Variants in SLC4A3 observed in about 807,000 individuals in gnomAD.
SLC4A3 encodes solute carrier family 4 member 3.
SLC4A3 carries 47 observed loss-of-function variants against 114.2 expected under a neutral mutation model. That is an observed-to-expected ratio of 0.41 (90% CI 0.33 to 0.52). The LOEUF (loss-of-function observed/expected upper bound fraction) is 0.52. Ranked by LOEUF, SLC4A3 falls within the 20% of genes least tolerant of loss-of-function variation. The pLI is 0.21. For synonymous variants in SLC4A3, 693 were observed against 710.3 expected, an observed-to-expected ratio of 0.98 and a Z score of 0.39; for missense variants, 1,312 against 1,668.3, an observed-to-expected ratio of 0.79 and a Z score of 3.72.
Position 219,638,076 on chromosome 2 carries a change from C to T in SLC4A3, c.2767-88C>T. ...GGGCCTTCTGGCTCCAGCTTGGACC[C>T]AGGCAGGGCCAGAGATGGCAAGCCC... On this transcript the variant is annotated intron_variant, in intron 17 of 22. Transcript: ENST00000358055. The surrounding 1 kb of genome is among the most constrained non-coding windows in gnomAD (Gnocchi z 7.5). 8.8e-7 allele frequency: 1 copy of T among 1,130,266 alleles called. No individual in the cohort carries two copies. The highest frequency in any genetic ancestry group is 1.3e-6 in the Non-Finnish European group (1 of 766,396). 70.0% of individuals were successfully genotyped at this position (1,130,266 alleles called of 1,614,324 possible).
Position 219,632,384 on chromosome 2 carries a change from C to T in SLC4A3, c.1083C>T (p.Pro361=), listed in dbSNP as rs758826191. The T allele has an allele frequency of 5.6e-6, 9 of 1,613,352 alleles. No homozygotes were observed. The Admixed American group carries it at 6.7e-5, about 12-fold the overall frequency. ...AGGAGACGGAGCGCTGGGGGAAGCC[C>T]CATGTTGCCTCGCTCTCCTTCCGTA... The part of the protein sequence containing the change: ...VEEETERWGK[P]HVASLSFRSL... Residue 361 remains proline, a synonymous_variant, in exon 8 of 23, where the codon CCC becomes CCT. Transcript: ENST00000358055.
In SLC4A3 at chr2:219,641,590, G is replaced by A; in HGVS notation, c.3622-61G>A. On this transcript the variant is annotated intron_variant, in intron 22 of 22. Transcript: ENST00000358055. This position sits in a 1 kb window ranked among gnomAD's most constrained non-coding sequence, Gnocchi z 4.0. Reference sequence around the variant, plus strand: ...AGGGCTGCAGGTTGGAGGAGGAGCTGGAGAATGGGAGGGGACGAGCATGCT... The same window carrying A: ...AGGGCTGCAGGTTGGAGGAGGAGCTAGAGAATGGGAGGGGACGAGCATGCT... 7.4e-7 allele frequency: 1 copy of A among 1,353,038 alleles called. No individual in the cohort carries two copies. The highest frequency in any genetic ancestry group is 1.8e-4 in the Middle Eastern group (1 of 5,580). The allele number at this position is 1,353,038 out of a possible 1,614,324, so 83.8% of individuals were successfully genotyped here. A position where few individuals can be genotyped will look rare whatever the true frequency, so the allele number is the denominator to read the frequency against.
chr2:219,627,855 G>C (rs762353043), intron 1 of SLC4A3, 45 bp from the exon 2 acceptor site: 95 of 656,972 alleles, frequency 1.4e-4, no homozygotes, highest in Non-Finnish European at 2.2e-4. Flanking sequence ...GCTCCCGGGT[G>C]GGGGGCGCCA....
In SLC4A3 at chr2:219,637,193, AGTGT is replaced by A. The variant is rs71688224; in HGVS notation, c.2535+333_2535+336del. On this transcript the variant is annotated intron_variant, in intron 16 of 22. Transcript: ENST00000358055. This position sits in a 1 kb window ranked among gnomAD's most constrained non-coding sequence, Gnocchi z 4.6. Reference sequence around the variant, plus strand: ...GTCCTTGGGTCACCTTTTGTAGAGGAGTGTGTGTGTGTGTGTGGGTGTGGGTGTG... The same window carrying A: ...GTCCTTGGGTCACCTTTTGTAGAGGAGTGTGTGTGTGTGGGTGTGGGTGTG... Among the ~76,000 whole-genome samples the A allele has an allele frequency of 1.4e-5, 2 of 147,836 alleles. No individual in the cohort carries two copies. Among genetic ancestry groups the A allele is most frequent in the African/African-American group, 2.5e-5 (1 of 39,902 alleles).
In SLC4A3 at chr2:219,637,622, G is replaced by C. The variant is rs1222222783; in HGVS notation, c.2577G>C (p.Glu859Asp). The change falls in exon 17 of 23, where the codon GAG becomes GAC. Residue 859 changes from glutamate to aspartate, a missense_variant. Physicochemically the swap from Glu to Asp is conservative, Grantham distance 45. Around this residue, in one of 4 missense-constraint regions of SLC4A3, gnomAD observed 771 missense variants for 977.7 expected, o/e 0.79. Transcript: ENST00000358055. The surrounding 1 kb of genome is among the most constrained non-coding windows in gnomAD (Gnocchi z 4.6). ...EHPLLPFYPPEGALEGSLDAG... is the reference protein window; with the variant it reads ...EHPLLPFYPPDGALEGSLDAG... ...CACTGCTGCCGTTCTACCCCCCTGA[G>C]GGGGCCCTGGAGGGGTCCCTGGATG... The C allele has an allele frequency of 5.6e-6, 9 of 1,611,436 alleles. No homozygotes were observed. The Admixed American group carries it at 1.2e-4, about 21-fold the overall frequency.
intron 11 of SLC4A3, 99 bp from the exon 12 acceptor site, chr2:219,634,320 CA>C: frequency 1.7e-6 from 2 of 1,210,710 alleles, no homozygotes; most frequent in Non-Finnish European, 2.4e-6. Context: ...GCGCAGTTTA[CA>C]ACCTGCTCAA....
At position 219,632,868 on chromosome 2, in the gene SLC4A3, C is replaced by T; in HGVS notation, c.1142-6C>T. On this transcript the variant is annotated splice_region_variant and splice_polypyrimidine_tract_variant and intron_variant, in intron 8 of 22. Transcript: ENST00000358055. ...GTGCCCTCTCTGTGCCTGACTGTCC[C>T]CCTAGGAGCTGCCCTCCTGGACCTG... 1.2e-6 allele frequency: 2 copies of T among 1,614,020 alleles called. No homozygotes were observed. The highest frequency in any genetic ancestry group is 1.7e-6 in the Non-Finnish European group (2 of 1,179,950).
In SLC4A3 at chr2:219,628,356, G is replaced by A; in HGVS notation, c.52-49G>A. On this transcript the variant is annotated intron_variant, in intron 2 of 22. Coordinates refer to ENST00000358055, the MANE Select transcript of SLC4A3 (RefSeq NM_005070.4). This position sits in a 1 kb window ranked among gnomAD's most constrained non-coding sequence, Gnocchi z 4.8. ...AGGGCTTGGAGTTGGGGTGGGTGTG[G>A]GGCCTTCATGGGTCAGGGGTCCTTA... is the stretch of plus-strand genomic sequence containing the variant. 6.5e-7 allele frequency: 1 copy of A among 1,532,186 alleles called. No homozygotes were observed. The highest frequency in any genetic ancestry group is 8.8e-7 in the Non-Finnish European group (1 of 1,140,424). 94.9% of individuals were successfully genotyped at this position (1,532,186 alleles called of 1,614,324 possible).
Position 219,628,172 on chromosome 2 carries a change from C to A in SLC4A3, c.51+129C>A. The A allele has an allele frequency of 1.2e-6, 1 of 852,178 alleles. No homozygotes were observed. The highest frequency in any genetic ancestry group is 1.8e-6 in the Non-Finnish European group (1 of 567,790). 52.8% of individuals were successfully genotyped at this position (852,178 alleles called of 1,614,324 possible). The stretch of plus-strand genomic sequence containing the variant: ...CAGGGATGAGCTGGGCTGGGGGTTA[C>A]GGAGAAAGAGGGGGGTTTTTGATAT... On this transcript the variant is annotated intron_variant, in intron 2 of 22. Transcript: ENST00000358055. This position sits in a 1 kb window ranked among gnomAD's most constrained non-coding sequence, Gnocchi z 4.8.
chr2:219,629,930 T>A, intron 5 of SLC4A3: 2 of 832,586 alleles, frequency 2.4e-6, no homozygotes, highest in South Asian at 3.8e-5. Context: ...AGGTTAGGAG[T>A]TCCCCAGGAG....
rs772136339 is a variant in SLC4A3 at position 219,636,873 on chromosome 2, AGGTG to A, written c.2535+1_2535+4del. On this transcript the variant is annotated splice_donor_variant and splice_donor_region_variant and coding_sequence_variant and intron_variant, in exon 16 of 23. Coordinates refer to ENST00000358055, the MANE Select transcript of SLC4A3 (RefSeq NM_005070.4). LOFTEE classifies it high-confidence loss of function. This position sits in a 1 kb window ranked among gnomAD's most constrained non-coding sequence, Gnocchi z 5.5. ...TACGAGACCTTCTACAAGCTCTACA[AGGTG>A]GAGGTCCAGCGAGGTCTTGGGGGTG... 2 of 1,612,972 alleles carry A rather than the reference AGGTG, an allele frequency of 1.2e-6. No individual in the cohort carries two copies. The highest frequency in any genetic ancestry group is 1.7e-6 in the Non-Finnish European group (2 of 1,179,160).
Position 219,638,894 on chromosome 2 carries a change from G to C in SLC4A3, c.3023+25G>C. On this transcript the variant is annotated intron_variant, in intron 19 of 22. Coordinates refer to ENST00000358055, the MANE Select transcript of SLC4A3 (RefSeq NM_005070.4). This position sits in a 1 kb window ranked among gnomAD's most constrained non-coding sequence, Gnocchi z 7.5. ...CGTGAGAGAGATGGGAGGAGGAGGT[G>C]GGAGGGACGAGGCCAAGCTCCTTGG... 1 of 1,609,948 alleles carries C rather than the reference G, an allele frequency of 6.2e-7. No homozygotes were observed.
rs373090444 is a variant in SLC4A3, at chr2:219,638,199, C to T, written c.2802C>T (p.Ile934=). 36 of 1,612,826 alleles carry T rather than the reference C, an allele frequency of 2.2e-5. No homozygotes were observed. In the African/African-American group the frequency reaches 4.5e-4, roughly 20 times the overall value. The change falls in exon 18 of 23, where the codon ATC becomes ATT. Residue 934 remains isoleucine (I), a synonymous_variant. Transcript: ENST00000358055. The surrounding 1 kb of genome is among the most constrained non-coding windows in gnomAD (Gnocchi z 7.5). ...RRIIGDFGIP[I]SILVMVLVDY... ...TCATCGGGGACTTTGGCATCCCCAT[C>T]TCCATCCTGGTGATGGTCCTGGTGG...
Position 219,633,477 on chromosome 2 carries a change from C to A in SLC4A3, c.1461+20C>A. On this transcript the variant is annotated intron_variant, in intron 10 of 22. Transcript: ENST00000358055. ...AAGGAGGTCAGTGCCCTTGCTTTGG[C>A]TTGGGCCAGGGGACTGAGAGGGTGT... The A allele has an allele frequency of 6.6e-7, 1 of 1,509,890 alleles. No individual in the cohort carries two copies. 93.5% of individuals were successfully genotyped at this position (1,509,890 alleles called of 1,614,324 possible).
At position 219,639,394 on chromosome 2, in the gene SLC4A3, C is replaced by G; in HGVS notation, c.3024-88C>G. 2.7e-6 allele frequency: 4 copies of G among 1,476,254 alleles called. No homozygotes were observed. The Admixed American group carries it at 5.2e-5, about 19-fold the overall frequency. 91.4% of individuals were successfully genotyped at this position (1,476,254 alleles called of 1,614,324 possible). A position where few individuals can be genotyped will look rare whatever the true frequency, so the allele number is the denominator to read the frequency against. ...GAACTGTTGTCTGCACGTCCTCCCC[C>G]CACCATCTCGTCTCTGTGTGCGTGC... On this transcript the variant is annotated intron_variant, in intron 19 of 22. Coordinates refer to ENST00000358055, the MANE Select transcript of SLC4A3 (RefSeq NM_005070.4). This position sits in a 1 kb window ranked among gnomAD's most constrained non-coding sequence, Gnocchi z 5.9.
rs1698868471 is a variant in SLC4A3, at chr2:219,630,154, T to A, written c.613T>A (p.Ser205Thr). Residue 205 changes from serine (S) to threonine (T), a missense_variant and splice_region_variant, in exon 6 of 23, where the codon TCC becomes ACC. Coordinates refer to ENST00000358055, the MANE Select transcript of SLC4A3 (RefSeq NM_005070.4). This position sits in a 1 kb window ranked among gnomAD's most constrained non-coding sequence, Gnocchi z 6.9. ...AAGGCTGCTGTGTTGCCTCCCCAGC[T>A]CCCCCAGCCCCCGGGCCCGGGCCTC... is the stretch of plus-strand genomic sequence containing the variant. ...TDKSPQHSSSSPSPRARASRL... is the reference protein window; with the variant it reads ...TDKSPQHSSSTPSPRARASRL... 6.2e-7 allele frequency: 1 copy of A among 1,608,958 alleles called. No individual in the cohort carries two copies.
In SLC4A3 at chr2:219,633,410, C is replaced by G. The variant is rs777156973; in HGVS notation, c.1414C>G (p.Leu472Val). The change falls in exon 10 of 23, where the codon CTG becomes GTG. Residue 472 changes from leucine (L) to valine (V), a missense_variant. Physicochemically the swap from Leu to Val is conservative, Grantham distance 32. This residue lies in a region of SLC4A3 where 771 missense variants were observed against 977.7 expected (regional missense o/e 0.79). Coordinates refer to ENST00000358055, the MANE Select transcript of SLC4A3 (RefSeq NM_005070.4). ...DGAVPTMADD[L>V]GEPAPLWPHD... ...GGCGGTGCCTACCATGGCTGATGAC[C>G]TGGGGGAGCCAGCCCCACTCTGGCC... is the stretch of plus-strand genomic sequence containing the variant. 3 of 1,576,190 alleles carry G rather than the reference C, an allele frequency of 1.9e-6. No homozygotes were observed. The highest frequency in any genetic ancestry group is 2.3e-5 in the South Asian group (2 of 86,130).
Position 219,628,787 on chromosome 2 carries a change from G to A in SLC4A3, c.217+217G>A, listed in dbSNP as rs1482699228. 3.2e-6 allele frequency: 2 copies of A among 618,004 alleles called. No individual in the cohort carries two copies. The highest frequency in any genetic ancestry group is 5.6e-6 in the Non-Finnish European group (2 of 360,072). The allele number at this position is 618,004 out of a possible 1,614,324, so 38.3% of individuals were successfully genotyped here. On this transcript the variant is annotated intron_variant, in intron 3 of 22. Transcript: ENST00000358055. The surrounding 1 kb of genome is among the most constrained non-coding windows in gnomAD (Gnocchi z 4.8). ...GGGAGGTGGGCCCCAGACCAGGGGA[G>A]ATCTAGGGAGCTGGGCCTGGGCCCT... is the stretch of plus-strand genomic sequence containing the variant.
chr2:219,627,923 T>G lies in SLC4A3; in HGVS notation c.-70T>G. ...AGGGCTCCCCGCTAGGCCCCCTCAG[T>G]GGCCCCTCCTTCTCACCTGGGTCTC... is the stretch of plus-strand genomic sequence containing the variant. On this transcript the variant is annotated 5_prime_UTR_variant, in exon 2 of 23. Transcript: ENST00000358055. 1 of 1,334,588 alleles carries G rather than the reference T, an allele frequency of 7.5e-7. No homozygotes were observed. Among genetic ancestry groups the G allele is most frequent in the Non-Finnish European group, 1.1e-6 (1 of 948,908 alleles). The allele number at this position is 1,334,588 out of a possible 1,614,324, so 82.7% of individuals were successfully genotyped here. A position where few individuals can be genotyped will look rare whatever the true frequency, so the allele number is the denominator to read the frequency against.
Sources: gnomAD v4.1 joint callset for allele counts (sites outside exome capture counted in the v4.1 genomes callset) on GRCh38, gnomAD v4.1.1 for gene constraint, gnomAD v4.1.1 regional missense constraint, Gnocchi (gnomAD v3.1) non-coding constraint, MANE v1.5 for transcripts, NCBI Gene and HGNC (gene_info 2026-07-23, HGNC 2026-07-21) for gene names.